Variants in EXTL3 observed in about 807,000 individuals in gnomAD.
EXTL3 encodes exostosin-like 3.
A neutral mutation model predicts 69.3 loss-of-function variants in EXTL3; 27 were observed. The ratio of observed to expected loss-of-function variants is 0.39; its 90% CI spans 0.29 to 0.54. The LOEUF is 0.54. EXTL3 is among the 20% of genes least tolerant of loss of function. The pLI is 0.69. For synonymous variants in EXTL3, 511 were observed against 499.4 expected, an observed-to-expected ratio of 1.02 and a Z score of -0.31; for missense variants, 1,003 against 1,231.8, an observed-to-expected ratio of 0.81 and a Z score of 2.78.
At chr8:28,746,071 A>G (rs1336251728) in intron 6 of EXTL3, among the ~76,000 whole-genome samples, 1 of 152,184 alleles carries the variant, frequency 6.6e-6, no homozygotes, top group Non-Finnish European at 1.5e-5. Context: ...CCTAATTTTA[A>G]TGGTATCAGG....
At chr8:28,735,538 T>C (rs1002374497) in intron 4 of EXTL3, among the ~76,000 whole-genome samples, 1 of 152,212 alleles carries the variant, frequency 6.6e-6, no homozygotes, top group Non-Finnish European at 1.5e-5. Context: ...CCTCTGGTAA[T>C]GGAGCTGGTG....
chr8:28,607,811 G>A (rs1806215389), intron 2 of EXTL3: 1 of 152,274 alleles, frequency 6.6e-6, no homozygotes, highest in South Asian at 2.1e-4. Flanking sequence ...CAAGTTAACA[G>A]TCTTGAAATA....
intron 1 of EXTL3, among the ~76,000 whole-genome samples, chr8:28,657,117 T>A (rs1335143069): frequency 6.6e-6 from 1 of 151,976 alleles, no homozygotes; most frequent in East Asian, 1.9e-4. Flanking sequence ...TTTTTTTGTA[T>A]TTTTTGGTAA....
chr8:28,616,411 G>A (rs981608925), intron 2 of EXTL3, among the ~76,000 whole-genome samples: 9 of 152,064 alleles, frequency 5.9e-5, no homozygotes, highest in Admixed American at 3.3e-4. Context: ...GGATCATGAG[G>A]TCAGGAGATC....
chr8:28,636,574 C>A (rs772246439), intron 1 of EXTL3, among the ~76,000 whole-genome samples: 1 of 152,152 alleles, frequency 6.6e-6, no homozygotes, highest in Non-Finnish European at 1.5e-5. Flanking sequence ...CTCTCAAGAC[C>A]TTTATCTTAC....
In EXTL3 at chr8:28,717,481, C is replaced by T; in HGVS notation, c.1422C>T (p.Asp474=). 1 of 1,614,246 alleles carries T rather than the reference C, an allele frequency of 6.2e-7. No homozygotes were observed. Among genetic ancestry groups the T allele is most frequent in the Non-Finnish European group, 8.5e-7 (1 of 1,180,048 alleles). The change falls in exon 3 of 7, where the codon GAC becomes GAT. Residue 474 remains aspartate (D), a synonymous_variant. Coordinates refer to ENST00000220562, the MANE Select transcript of EXTL3 (RefSeq NM_001440.4). This position sits in a 1 kb window ranked among gnomAD's most constrained non-coding sequence, Gnocchi z 8.3. ...AGCAGGTCCAGCTTCCCTACCAGGACATGCTGCAGTGGAACGAGGCGGCCC... is the reference window on the plus strand; with the variant it reads ...AGCAGGTCCAGCTTCCCTACCAGGATATGCTGCAGTGGAACGAGGCGGCCC... ...LGEQVQLPYQ[D]MLQWNEAALV...
intron 1 of EXTL3, among the ~76,000 whole-genome samples, chr8:28,708,306 A>G (rs1201473139): frequency 6.6e-6 from 1 of 152,062 alleles, no homozygotes; most frequent in East Asian, 1.9e-4. Context: ...ACAGTAAGAA[A>G]CCACTGTGGT....
chr8:28,655,081 G>A (rs1482630152), intron 1 of EXTL3, among the ~76,000 whole-genome samples: 2 of 152,170 alleles, frequency 1.3e-5, no homozygotes, highest in African/African-American at 4.8e-5. Flanking sequence ...TCTGATATTA[G>A]CAGCATATAT....
chr8:28,628,469 C>T (rs1029281123), intron 1 of EXTL3, among the ~76,000 whole-genome samples: 3 of 152,096 alleles, frequency 2.0e-5, no homozygotes, highest in East Asian at 1.9e-4. Flanking sequence ...AAGGTTGAGG[C>T]TGCAGTGAGC....
intron 5 of EXTL3, among the ~76,000 whole-genome samples, chr8:28,738,584 G>A (rs554393315): frequency 1.3e-5 from 2 of 152,206 alleles, no homozygotes; most frequent in Non-Finnish European, 2.9e-5. Context: ...CGGGCCCTGA[G>A]GAGTCCCTGT....
chr8:28,634,483 A>G (rs1806620921), intron 1 of EXTL3, among the ~76,000 whole-genome samples: 1 of 151,352 alleles, frequency 6.6e-6, no homozygotes, highest in South Asian at 2.1e-4. Context: ...CACCTTCCCA[A>G]CCTGGCGGAA....
intron 1 of EXTL3, among the ~76,000 whole-genome samples, chr8:28,677,292 T>A (rs1585245949): frequency 6.6e-6 from 1 of 152,110 alleles, no homozygotes; most frequent in East Asian, 1.9e-4. Context: ...CCCGTCCTTT[T>A]ATTATTTTTT....
At chr8:28,728,519 C>T (rs2237812) in intron 3 of EXTL3, among the ~76,000 whole-genome samples, 34,301 of 152,050 alleles carry the variant, frequency 0.23, 4,192 homozygotes, top group Middle Eastern at 0.32. Context: ...ACTGTGGTGG[C>T]GAATCTGTTA....
chr8:28,707,046 T>C (rs1800938404), intron 1 of EXTL3, among the ~76,000 whole-genome samples: 1 of 152,248 alleles, frequency 6.6e-6, no homozygotes, highest in Non-Finnish European at 1.5e-5. Flanking sequence ...TGGATTTGGT[T>C]TGTCATGCAG....
intron 3 of EXTL3, among the ~76,000 whole-genome samples, chr8:28,729,428 C>T (rs1801486000): frequency 6.6e-6 from 1 of 150,766 alleles, no homozygotes; most frequent in Admixed American, 6.6e-5. Context: ...AACCCCGTCT[C>T]TACTAAAAAT....
chr8:28,637,955 T>G (rs894262067), intron 1 of EXTL3, among the ~76,000 whole-genome samples: 2 of 152,206 alleles, frequency 1.3e-5, no homozygotes, highest in Admixed American at 6.5e-5. Context: ...CTAAACCCAA[T>G]GTATGTGTCC....
At position 28,716,358 on chromosome 8, in the gene EXTL3, G is replaced by A. The variant is rs1467794442; in HGVS notation, c.299G>A (p.Arg100His). 2 of 1,613,864 alleles carry A rather than the reference G, an allele frequency of 1.2e-6. No individual in the cohort carries two copies. The highest frequency in any genetic ancestry group is 2.2e-5 in the East Asian group (1 of 44,894). Residue 100 changes from arginine to histidine, a missense_variant, in exon 3 of 7, where the codon CGC (arginine) becomes CAC (histidine). Around this residue, in one of 2 missense-constraint regions of EXTL3, gnomAD observed 742 missense variants for 815.4 expected, o/e 0.91. Coordinates refer to ENST00000220562, the MANE Select transcript of EXTL3 (RefSeq NM_001440.4). This position sits in a 1 kb window ranked among gnomAD's most constrained non-coding sequence, Gnocchi z 7.1. ...SEELLQLEAK[R>H]QELNSEIAKL... ...GAGCTCCTGCAGCTGGAGGCCAAGC[G>A]CCAAGAGCTGAACAGCGAGATCGCC...
intron 2 of EXTL3, among the ~76,000 whole-genome samples, chr8:28,611,768 A>G (rs1806274715): frequency 6.6e-6 from 1 of 152,146 alleles, no homozygotes; most frequent in Non-Finnish European, 1.5e-5. Context: ...GCTCTGGGAA[A>G]TAGTTCTTAT....
At chr8:28,612,471 A>AG (rs957391141) in intron 2 of EXTL3, among the ~76,000 whole-genome samples, 16 of 151,886 alleles carry the variant, frequency 1.1e-4, no homozygotes, top group African/African-American at 3.9e-4. Context: ...CTTAAAAAAA[A>AG]AAAAAAGAAA....
Sources: allele counts gnomAD v4.1 joint callset (sites outside exome capture counted in the v4.1 genomes callset), GRCh38; gene constraint gnomAD v4.1.1; regional missense constraint gnomAD v4.1.1; non-coding constraint Gnocchi (gnomAD v3.1); transcripts MANE v1.5; gene names NCBI Gene and HGNC (gene_info 2026-07-23, HGNC 2026-07-21).